Variants in CNTNAP4 observed in about 807,000 individuals in gnomAD.
CNTNAP4 encodes contactin associated protein family member 4.
In CNTNAP4, 98 loss-of-function variants were observed where a neutral mutation model predicts 148.4. The observed-to-expected ratio is 0.66, with a 90% CI of 0.56 to 0.78. The LOEUF (loss-of-function observed/expected upper bound fraction) is 0.78. Ranked by LOEUF, CNTNAP4 falls within the 30% of genes least tolerant of loss-of-function variation. CNTNAP4 has a pLI of 0.00. For synonymous variants in CNTNAP4, 730 were observed against 565.1 expected, an observed-to-expected ratio of 1.29 and a Z score of -4.14; for missense variants, 1,935 against 1,565.6, an observed-to-expected ratio of 1.24 and a Z score of -3.98.
At chr16:76,277,802 G>A in intron 1 of CNTNAP4, 55 bp downstream of exon 1, 1 of 1,072,994 alleles carries the variant, frequency 9.3e-7, no homozygotes, top group Non-Finnish European at 1.4e-6. Flanking sequence ...GCAAAACTTT[G>A]ATTCTGTTGG....
chr16:76,292,377 C>T (rs754717440), intron 1 of CNTNAP4, among the ~76,000 whole-genome samples: 113 of 152,272 alleles, frequency 7.4e-4, no homozygotes, highest in Non-Finnish European at 1.1e-3. Context: ...TCATGTATGA[C>T]GGATCTCAGA....
chr16:76,330,204 A>G (rs552595459), intron 2 of CNTNAP4, among the ~76,000 whole-genome samples: 1 of 152,250 alleles, frequency 6.6e-6, no homozygotes, highest in South Asian at 2.1e-4. Flanking sequence ...AAATCACCAT[A>G]GTTTCAAATT....
chr16:76,437,455 T>A (rs954075700), intron 4 of CNTNAP4, among the ~76,000 whole-genome samples: 1 of 152,090 alleles, frequency 6.6e-6, no homozygotes, highest in African/African-American at 2.4e-5. Context: ...CCTATCAGGG[T>A]CATGGCAAAA....
intron 8 of CNTNAP4, among the ~76,000 whole-genome samples, chr16:76,455,772 T>C (rs1034494095): frequency 3.3e-5 from 5 of 152,232 alleles, no homozygotes; most frequent in African/African-American, 1.2e-4. Flanking sequence ...TTTGCACCTT[T>C]GCTGAACTCC....
At chr16:76,549,489 A>G (rs1436167889) in intron 21 of CNTNAP4, among the ~76,000 whole-genome samples, 7 of 152,050 alleles carry the variant, frequency 4.6e-5, no homozygotes, top group African/African-American at 1.4e-4. Flanking sequence ...TAACAAACCA[A>G]CTCCAGACTT....
chr16:76,293,121 T>A (rs563788884), intron 1 of CNTNAP4, among the ~76,000 whole-genome samples: 72 of 152,004 alleles, frequency 4.7e-4, no homozygotes, highest in Non-Finnish European at 7.6e-4. Context: ...ATTTCTTTTT[T>A]CTTTCTTTCT....
chr16:76,536,191 CT>C (rs554771955), intron 18 of CNTNAP4, among the ~76,000 whole-genome samples: 15 of 149,116 alleles, frequency 1.0e-4, no homozygotes, highest in South Asian at 2.1e-4. Flanking sequence ...TAAAGCATTA[CT>C]TTTTTTTTTA....
Position 76,522,062 on chromosome 16 carries a change from T to C in CNTNAP4, c.2560T>C (p.Phe854Leu). The C allele has an allele frequency of 6.2e-7, 1 of 1,613,920 alleles. No homozygotes were observed. Among genetic ancestry groups the C allele is most frequent in the Non-Finnish European group, 8.5e-7 (1 of 1,179,814 alleles). The change falls in exon 17 of 24, where the codon TTT becomes CTT. Residue 854 changes from phenylalanine (F) to leucine (L), a missense_variant. Phe to Leu is a conservative substitution (Grantham distance 22). Coordinates refer to ENST00000611870, the MANE Select transcript of CNTNAP4 (RefSeq NM_033401.5). Reference sequence around the variant, plus strand: ...AGCTCCGACAGTAGTGACTTTTTCATTTGATGTGGGGAATGGGCCTTTTGA... The same window carrying C: ...AGCTCCGACAGTAGTGACTTTTTCACTTGATGTGGGGAATGGGCCTTTTGA... ...LRSPTVVTFS[F>L]DVGNGPFEIS...
Position 76,559,643 on chromosome 16 carries a change from A to G in CNTNAP4, c.*960A>G, listed in dbSNP as rs950786712. Among the ~76,000 whole-genome samples, 1 of 152,136 alleles carries G rather than the reference A, an allele frequency of 6.6e-6. No homozygotes were observed. Among genetic ancestry groups the G allele is most frequent in the East Asian group, 1.9e-4 (1 of 5,198 alleles). Reference sequence around the variant, plus strand: ...CTAGATCAGTCCTTTATTGGTTTACATTTCTGTTTTTCTGAAGTTTATCAC... The same window carrying G: ...CTAGATCAGTCCTTTATTGGTTTACGTTTCTGTTTTTCTGAAGTTTATCAC... On this transcript the variant is annotated 3_prime_UTR_variant, in exon 24 of 24. Coordinates refer to ENST00000611870, the MANE Select transcript of CNTNAP4 (RefSeq NM_033401.5).
At chr16:76,485,126 T>C (rs1416817673) in intron 12 of CNTNAP4, among the ~76,000 whole-genome samples, 1 of 152,208 alleles carries the variant, frequency 6.6e-6, no homozygotes, top group African/African-American at 2.4e-5. Context: ...TTTCTTTTTT[T>C]CTTTTTTTGA....
intron 14 of CNTNAP4, among the ~76,000 whole-genome samples, chr16:76,496,148 A>G (rs957765302): frequency 1.5e-4 from 22 of 150,872 alleles, no homozygotes; most frequent in Middle Eastern, 3.4e-3. Flanking sequence ...TTAGTGTTAC[A>G]TGTTTGGTAT....
intron 1 of CNTNAP4, among the ~76,000 whole-genome samples, chr16:76,290,988 G>C (rs1169946475): frequency 1.3e-5 from 2 of 152,054 alleles, no homozygotes; most frequent in Non-Finnish European, 2.9e-5. Flanking sequence ...TATCTCTGGT[G>C]TCTCTTACTC....
At chr16:76,313,184 T>G (rs941551125) in intron 1 of CNTNAP4, among the ~76,000 whole-genome samples, 9 of 152,180 alleles carry the variant, frequency 5.9e-5, no homozygotes, top group Non-Finnish European at 1.0e-4. Context: ...GATTCTTAAT[T>G]TATAGTTGGC....
At position 76,462,052 on chromosome 16, in the gene CNTNAP4, C is replaced by G; in HGVS notation, c.1430C>G (p.Ala477Gly). ...VAVDGQMASA[A>G]PLLGPEQIYS... ...GTGGACGGCCAGATGGCTTCTGCTG[C>G]TCCTCTGCTGGGGCCTGAGCAGATT... The change falls in exon 9 of 24, where the codon GCT (alanine) becomes GGT (glycine). Residue 477 changes from alanine (A) to glycine (G), a missense_variant. Coordinates refer to ENST00000611870, the MANE Select transcript of CNTNAP4 (RefSeq NM_033401.5). 6.2e-7 allele frequency: 1 copy of G among 1,613,876 alleles called. No individual in the cohort carries two copies. The highest frequency in any genetic ancestry group is 1.1e-5 in the South Asian group (1 of 91,082).
At chr16:76,504,470 G>C (rs922524602) in intron 15 of CNTNAP4, among the ~76,000 whole-genome samples, 1 of 151,834 alleles carries the variant, frequency 6.6e-6, no homozygotes, top group African/African-American at 2.4e-5. Flanking sequence ...ATTAACTCAA[G>C]ATTAATCATA....
chr16:76,316,205 A>AT (rs929214894), intron 1 of CNTNAP4: 2 of 596,686 alleles, frequency 3.4e-6, no homozygotes, highest in Admixed American at 5.9e-5. Flanking sequence ...TTTTTAAAGT[A>AT]TTTTCATATT....
chr16:76,444,302 A>G (rs1325228265), intron 4 of CNTNAP4, among the ~76,000 whole-genome samples: 1 of 152,196 alleles, frequency 6.6e-6, no homozygotes, highest in Non-Finnish European at 1.5e-5. Flanking sequence ...ATTATTATTC[A>G]TTCAGTAATA....
rs114145722 is a variant in CNTNAP4 at position 76,549,940 on chromosome 16, T to C, written c.3443-3343T>C. On this transcript the variant is annotated intron_variant, in intron 21 of 23. Coordinates refer to ENST00000611870, the MANE Select transcript of CNTNAP4 (RefSeq NM_033401.5). ...AATTCCAAGCTAAATAAAAACTTTG[T>C]GTCTGCAGATTGAAAGGGCTTATCA... is the stretch of plus-strand genomic sequence containing the variant. 4.7e-3 allele frequency among the ~76,000 whole-genome samples: 715 copies of C among 152,320 alleles called. 6 individuals are homozygous for C. Among genetic ancestry groups the C allele is most frequent in the African/African-American group, 0.017 (694 of 41,570 alleles).
At chr16:76,480,994 A>G (rs1419134454) in intron 12 of CNTNAP4, among the ~76,000 whole-genome samples, 2 of 152,228 alleles carry the variant, frequency 1.3e-5, no homozygotes, top group Admixed American at 6.5e-5. Flanking sequence ...GGATATAGGC[A>G]TTATACTGAT....
Sources: gnomAD v4.1 joint callset for allele counts (sites outside exome capture counted in the v4.1 genomes callset) on GRCh38, gnomAD v4.1.1 for gene constraint, MANE v1.5 for transcripts, NCBI Gene and HGNC (gene_info 2026-07-23, HGNC 2026-07-21) for gene names.